Variants in CAPZB observed in about 807,000 individuals in gnomAD.
CAPZB encodes capping actin protein of muscle Z-line subunit beta.
A neutral mutation model predicts 38.1 loss-of-function variants in CAPZB; 2 were observed. The ratio of observed to expected loss-of-function variants is 0.05; its 90% CI spans 0.02 to 0.17. The LOEUF (loss-of-function observed/expected upper bound fraction) is 0.17, where lower values mean the gene tolerates loss of function less well. Ranked by LOEUF, CAPZB falls within the 10% of genes least tolerant of loss-of-function variation. CAPZB has a pLI of 1.00. For missense variants in CAPZB, 161 were observed against 334.2 expected (o/e 0.48, Z 4.04); for synonymous variants, 107 against 127.4 (o/e 0.84, Z 1.08).
chr1:19,401,326 A>G (rs1284162679), intron 2 of CAPZB, among the ~76,000 whole-genome samples: 1 of 152,240 alleles, frequency 6.6e-6, no homozygotes, highest in African/African-American at 2.4e-5. Context: ...AAAGATTTGC[A>G]GCAGAAGAGC....
At chr1:19,436,703 C>A (rs534433807) in intron 1 of CAPZB, among the ~76,000 whole-genome samples, 1 of 152,276 alleles carries the variant, frequency 6.6e-6, no homozygotes. Flanking sequence ...ATACATTATA[C>A]TGTTATTTTA....
chr1:19,405,541 CAAAAAA>C (rs10577923), intron 2 of CAPZB, among the ~76,000 whole-genome samples: 2,724 of 96,472 alleles, frequency 0.028, 44 homozygotes, highest in African/African-American at 0.069. Context: ...TAGAAAGAGG[CAAAAAA>C]AAAAAAAAAA....
chr1:19,479,592 T>G (rs1435700944), intron 1 of CAPZB, among the ~76,000 whole-genome samples: 1 of 152,130 alleles, frequency 6.6e-6, no homozygotes, highest in Non-Finnish European at 1.5e-5. Flanking sequence ...TGCCTTTATC[T>G]CCTTCCACCA....
intron 1 of CAPZB, among the ~76,000 whole-genome samples, chr1:19,480,253 C>T (rs2094622902): frequency 6.6e-6 from 1 of 152,158 alleles, no homozygotes; most frequent in South Asian, 2.1e-4. Context: ...CAGAATAAGA[C>T]ATGCAACAAC....
In CAPZB at chr1:19,439,572, C is replaced by T. The variant is rs114828762; in HGVS notation, c.4-19822G>A. Among the ~76,000 whole-genome samples, 1,446 of 152,308 alleles carry T rather than the reference C, an allele frequency of 9.5e-3. 17 individuals are homozygous for T. The highest frequency in any genetic ancestry group is 0.027 in the South Asian group (131 of 4,832). ...CGGTGCTGGCTGTTTGGCAGCTCTG[C>T]CTTACACTGCAGCCTCCAGCACAGA... On this transcript the variant is annotated intron_variant, in intron 1 of 8. Coordinates refer to ENST00000264202, the MANE Select transcript of CAPZB (RefSeq NM_004930.5).
chr1:19,437,158 C>T (rs1038526976), intron 1 of CAPZB, among the ~76,000 whole-genome samples: 7 of 152,192 alleles, frequency 4.6e-5, no homozygotes, highest in African/African-American at 1.7e-4. Flanking sequence ...GTTTCTCATC[C>T]AGACAAATAA....
intron 1 of CAPZB, among the ~76,000 whole-genome samples, chr1:19,453,947 G>A (rs907062811): frequency 2.0e-5 from 3 of 152,182 alleles, no homozygotes; most frequent in African/African-American, 4.8e-5. Flanking sequence ...GCTAAGGACT[G>A]GGGCCACTTG....
intron 1 of CAPZB, among the ~76,000 whole-genome samples, chr1:19,470,668 A>C (rs569699079): frequency 1.3e-3 from 201 of 152,370 alleles, no homozygotes; most frequent in African/African-American, 4.5e-3. Flanking sequence ...CCCTGTGAGC[A>C]GTAAAATTCC....
At chr1:19,418,435 C>G (rs745318631) in intron 2 of CAPZB, among the ~76,000 whole-genome samples, 1 of 152,186 alleles carries the variant, frequency 6.6e-6, no homozygotes, top group East Asian at 1.9e-4. Flanking sequence ...TTACTACCCC[C>G]CTGAAATGTC....
intron 4 of CAPZB, among the ~76,000 whole-genome samples, chr1:19,361,666 A>G (rs932130209): frequency 6.6e-6 from 1 of 152,246 alleles, no homozygotes; most frequent in Non-Finnish European, 1.5e-5. Context: ...TTTGATCATA[A>G]TGATATGAAA....
At chr1:19,460,478 T>C (rs775927790) in intron 1 of CAPZB, among the ~76,000 whole-genome samples, 2 of 152,048 alleles carry the variant, frequency 1.3e-5, no homozygotes, top group Admixed American at 6.6e-5. Flanking sequence ...GGTTTCACCG[T>C]GTTAGCCAGG....
intron 1 of CAPZB, among the ~76,000 whole-genome samples, chr1:19,446,619 C>T (rs972935962): frequency 2.8e-5 from 3 of 105,814 alleles, no homozygotes; most frequent in African/African-American, 8.8e-5. Flanking sequence ...ACCCACTGCT[C>T]CACGGCAAAA....
chr1:19,421,761 A>G (rs753846923), intron 1 of CAPZB, among the ~76,000 whole-genome samples: 1 of 152,198 alleles, frequency 6.6e-6, no homozygotes, highest in Non-Finnish European at 1.5e-5. Flanking sequence ...AATCTCTAGA[A>G]GTCTCTATTT....
intron 1 of CAPZB, among the ~76,000 whole-genome samples, chr1:19,462,489 C>A (rs923800065): frequency 6.6e-6 from 1 of 151,872 alleles, no homozygotes; most frequent in Non-Finnish European, 1.5e-5. Flanking sequence ...TAAAAAAAGT[C>A]ATCTGGTCCA....
chr1:19,403,381 C>T (rs943211684), intron 2 of CAPZB, among the ~76,000 whole-genome samples: 7 of 152,238 alleles, frequency 4.6e-5, no homozygotes, highest in East Asian at 3.9e-4. Flanking sequence ...GAGGCTCCAG[C>T]GGAGATGGGA....
Position 19,482,893 on chromosome 1 carries a change from C to T in CAPZB, c.3+2543G>A, listed in dbSNP as rs115845358. On this transcript the variant is annotated intron_variant, in intron 1 of 8. Coordinates refer to ENST00000264202, the MANE Select transcript of CAPZB (RefSeq NM_004930.5). ...TCAGAGTATTCAAATAGGGGATAAA[C>T]GTAACAATAAGCAGTCAGAAATTAC... Among the ~76,000 whole-genome samples, 1,400 of 152,238 alleles carry T rather than the reference C, an allele frequency of 9.2e-3. 23 individuals carry two copies. The highest frequency in any genetic ancestry group is 0.032 in the African/African-American group (1,322 of 41,516).
chr1:19,441,732 G>A (rs1413974928), intron 1 of CAPZB, among the ~76,000 whole-genome samples: 1 of 151,786 alleles, frequency 6.6e-6, no homozygotes, highest in Non-Finnish European at 1.5e-5. Flanking sequence ...GAGAGGCCGG[G>A]CACAGTGGCT....
chr1:19,357,649 T>G lies in CAPZB; in HGVS notation c.330-86A>C. ...CCAGGCTGCTGCTCAGCAAAGATTC[T>G]GGGATTCAGGGCCCTCCCTGCGACA... is the stretch of plus-strand genomic sequence containing the variant. On this transcript the variant is annotated intron_variant, in intron 4 of 8. Transcript: ENST00000264202. This position sits in a 1 kb window ranked among gnomAD's most constrained non-coding sequence, Gnocchi z 4.3. 1 of 1,403,090 alleles carries G rather than the reference T, an allele frequency of 7.1e-7. No homozygotes were observed. The highest frequency in any genetic ancestry group is 1.0e-6 in the Non-Finnish European group (1 of 1,004,918). The allele number at this position is 1,403,090 out of a possible 1,614,324, so 86.9% of individuals were successfully genotyped here.
At chr1:19,367,978 T>G (rs1441868178) in intron 4 of CAPZB, among the ~76,000 whole-genome samples, 1 of 152,160 alleles carries the variant, frequency 6.6e-6, no homozygotes, top group Non-Finnish European at 1.5e-5. Flanking sequence ...GCTGGCCCCA[T>G]GGAGCTACCT....
Sources: allele counts gnomAD v4.1 joint callset (sites outside exome capture counted in the v4.1 genomes callset), GRCh38; gene constraint gnomAD v4.1.1; non-coding constraint Gnocchi (gnomAD v3.1); transcripts MANE v1.5; gene names NCBI Gene and HGNC (gene_info 2026-07-23, HGNC 2026-07-21).